TMEM132B: variants seen among roughly 807,000 people sequenced by gnomAD.
TMEM132B encodes the protein transmembrane protein 132B.
TMEM132B carries 18 observed loss-of-function variants against 90.8 expected under a neutral mutation model. The ratio of observed to expected loss-of-function variants is 0.20; its 90% confidence interval spans 0.14 to 0.29. The LOEUF (loss-of-function observed/expected upper bound fraction) is 0.29. Ranked by LOEUF, TMEM132B falls within the 10% of genes least tolerant of loss-of-function variation. The probability of loss-of-function intolerance (pLI) is 1.00; values close to 1 mark genes in which losing one functional copy is unlikely to be tolerated. For synonymous variants in TMEM132B, 504 were observed against 523.3 expected, an observed-to-expected ratio of 0.96 and a Z score of 0.50; for missense variants, 1,096 against 1,326.8, an observed-to-expected ratio of 0.83 and a Z score of 2.70.
intron 4 of TMEM132B, among the ~76,000 whole-genome samples, chr12:125,555,173 A>G (rs137973516): frequency 6.6e-6 from 1 of 152,260 alleles, no homozygotes; most frequent in African/African-American, 2.4e-5. Context: ...TGAAAATTGA[A>G]CTGTTTTGTT....
At chr12:125,560,532 G>C (rs1309113992) in intron 4 of TMEM132B, among the ~76,000 whole-genome samples, 1 of 152,090 alleles carries the variant, frequency 6.6e-6, no homozygotes, top group African/African-American at 2.4e-5. Flanking sequence ...TCATTAAAAA[G>C]TCAGGAAAGG....
In TMEM132B at chr12:125,613,218, C is replaced by CTATATTATATATATATATATTATA. The variant is rs1183673622; in HGVS notation, c.1437+29241_1437+29242insTATTATATATATTATATATATATA. The stretch of plus-strand genomic sequence containing the variant: ...TATTTATATATATATTATACACCCA[C>CTATATTATATATATATATATTATA]TATATTATATATATATAATATAGTG... On this transcript the variant is annotated intron_variant, in intron 5 of 8. Coordinates refer to ENST00000682704, the MANE Select transcript of TMEM132B (RefSeq NM_001366854.1). Among the ~76,000 whole-genome samples the CTATATTATATATATATATATTATA allele has an allele frequency of 5.2e-5, 6 of 115,044 alleles. No individual in the cohort carries two copies. The South Asian group carries it at 1.6e-3, about 30-fold the overall frequency. 75.5% of individuals were successfully genotyped at this position (115,044 alleles called of 152,430 possible). A position where few individuals can be genotyped will look rare whatever the true frequency, so the allele number is the denominator to read the frequency against.
chr12:125,254,682 CTTT>C (rs71447039), intron 1 of TMEM132B, among the ~76,000 whole-genome samples: 2 of 132,336 alleles, frequency 1.5e-5, no homozygotes. Context: ...CCTCTTCCTA[CTTT>C]TTTTTTTTTT....
At chr12:125,474,873 G>A (rs1593164486) in intron 3 of TMEM132B, among the ~76,000 whole-genome samples, 1 of 152,230 alleles carries the variant, frequency 6.6e-6, no homozygotes, top group African/African-American at 2.4e-5. Flanking sequence ...GCTGCCATCA[G>A]CTCCAGGCTC....
chr12:125,398,609 G>C (rs1352861660), intron 2 of TMEM132B, among the ~76,000 whole-genome samples: 1 of 152,212 alleles, frequency 6.6e-6, no homozygotes, highest in Non-Finnish European at 1.5e-5. Context: ...TTGTTACTGG[G>C]CAGGAATGCA....
At position 125,247,000 on chromosome 12, in the gene TMEM132B, C is replaced by T. The variant is rs1028751874; in HGVS notation, c.67+60134C>T. On this transcript the variant is annotated intron_variant, in intron 1 of 8. Coordinates refer to ENST00000682704, the MANE Select transcript of TMEM132B (RefSeq NM_001366854.1). This position sits in a 1 kb window ranked among gnomAD's most constrained non-coding sequence, Gnocchi z 4.2. ...GGCTTGGGATAGTATTTTTAGAAGA[C>T]ATTAAATCAAATAAAAGGAATCTGA... 6.6e-6 allele frequency among the ~76,000 whole-genome samples: 1 copy of T among 152,150 alleles called. No individual in the cohort carries two copies. The highest frequency in any genetic ancestry group is 2.4e-5 in the African/African-American group (1 of 41,432).
At chr12:125,530,095 A>G (rs968496324) in intron 4 of TMEM132B, among the ~76,000 whole-genome samples, 2 of 152,176 alleles carry the variant, frequency 1.3e-5, no homozygotes, top group African/African-American at 2.4e-5. Context: ...GTGTGGTTGC[A>G]TTTTAAAACA....
At chr12:125,604,438 G>A (rs1885642102) in intron 5 of TMEM132B, among the ~76,000 whole-genome samples, 1 of 147,734 alleles carries the variant, frequency 6.8e-6, no homozygotes, top group South Asian at 2.1e-4. Flanking sequence ...ACACACCGGG[G>A]CCAGTTGGGG....
At chr12:125,222,481 A>G (rs1873581165) in intron 1 of TMEM132B, among the ~76,000 whole-genome samples, 2 of 152,178 alleles carry the variant, frequency 1.3e-5, no homozygotes, top group Non-Finnish European at 2.9e-5. Context: ...CAGGCTCTCC[A>G]TAAATATAGG....
At chr12:125,508,445 T>C (rs983280970) in intron 3 of TMEM132B, among the ~76,000 whole-genome samples, 3 of 152,190 alleles carry the variant, frequency 2.0e-5, no homozygotes, top group Non-Finnish European at 2.9e-5. Flanking sequence ...GGGAAAAAAT[T>C]GGCACTGATT....
intron 1 of TMEM132B, among the ~76,000 whole-genome samples, chr12:125,244,936 C>T (rs190694083): frequency 2.6e-5 from 4 of 152,234 alleles, no homozygotes; most frequent in South Asian, 2.1e-4. Flanking sequence ...TTCCCTCTCT[C>T]GGCTTCCCCC....
intron 1 of TMEM132B, among the ~76,000 whole-genome samples, chr12:125,264,288 C>T (rs1367605989): frequency 6.6e-6 from 1 of 152,178 alleles, no homozygotes; most frequent in African/African-American, 2.4e-5. Flanking sequence ...CCAGGATATC[C>T]ACCCCATCTC....
Position 125,431,736 on chromosome 12 carries a change from G to A in TMEM132B, c.1106+16059G>A, listed in dbSNP as rs563624128. 7.2e-5 allele frequency among the ~76,000 whole-genome samples: 11 copies of A among 152,298 alleles called. No individual in the cohort carries two copies. The East Asian group carries it at 2.1e-3, about 29-fold the overall frequency. On this transcript the variant is annotated intron_variant, in intron 3 of 8. Coordinates refer to ENST00000682704, the MANE Select transcript of TMEM132B (RefSeq NM_001366854.1). Reference sequence around the variant, plus strand: ...TGTCCTTGGTGCTCCCAGGTATGTGGAGGGGATCACAGTGAACAGACAGGG... The same window carrying A: ...TGTCCTTGGTGCTCCCAGGTATGTGAAGGGGATCACAGTGAACAGACAGGG...
rs1337997368 is a variant in TMEM132B at position 125,492,624 on chromosome 12, C to T, written c.1107-26815C>T. 6.6e-6 allele frequency among the ~76,000 whole-genome samples: 1 copy of T among 152,084 alleles called. No homozygotes were observed. The highest frequency in any genetic ancestry group is 1.5e-5 in the Non-Finnish European group (1 of 67,996). On this transcript the variant is annotated intron_variant, in intron 3 of 8. Coordinates refer to ENST00000682704, the MANE Select transcript of TMEM132B (RefSeq NM_001366854.1). This position sits in a 1 kb window ranked among gnomAD's most constrained non-coding sequence, Gnocchi z 5.8. ...TGAGGAGGCTACGGCAGCCTCGGGT[C>T]CCAGCAGGGCAGGCATGGGGTCTGA...
chr12:125,519,371 A>G, intron 3 of TMEM132B, 68 bp from the exon 4 acceptor site: 2 of 1,455,508 alleles, frequency 1.4e-6, no homozygotes, highest in Non-Finnish European at 9.3e-7. Flanking sequence ...GTGGCAATTT[A>G]TTACATTCTT....
intron 1 of TMEM132B, among the ~76,000 whole-genome samples, chr12:125,234,194 G>A (rs1873882277): frequency 6.6e-6 from 1 of 152,176 alleles, no homozygotes; most frequent in African/African-American, 2.4e-5. Flanking sequence ...ATGTGATGAA[G>A]TTCATAGTTT....
At chr12:125,352,247 C>A (rs1877611267) in intron 2 of TMEM132B, among the ~76,000 whole-genome samples, 1 of 152,218 alleles carries the variant, frequency 6.6e-6, no homozygotes, top group African/African-American at 2.4e-5. Context: ...TAAATGAATT[C>A]CAACTTCTAA....
chr12:125,654,979 G>A lies in TMEM132B; in HGVS notation c.*269G>A, dbSNP rs2240496. ...TGCCTGGTACGAGCTCAGTGCAAAT[G>A]TATTAAACCTGACCCCACAGACATT... On this transcript the variant is annotated 3_prime_UTR_variant, in exon 9 of 9. Transcript: ENST00000682704. This position sits in a 1 kb window ranked among gnomAD's most constrained non-coding sequence, Gnocchi z 5.8. 44,955 of 376,282 alleles carry A rather than the reference G, an allele frequency of 0.12. 3,024 individuals carry two copies. The highest frequency in any genetic ancestry group is 0.22 in the South Asian group (4,908 of 22,468). 23.3% of individuals were successfully genotyped at this position (376,282 alleles called of 1,614,324 possible).
intron 4 of TMEM132B, among the ~76,000 whole-genome samples, chr12:125,549,962 T>G (rs1359917964): frequency 6.6e-6 from 1 of 152,226 alleles, no homozygotes; most frequent in Non-Finnish European, 1.5e-5. Context: ...CCCTGCTTTG[T>G]GGTCTTGGAG....
Sources: gnomAD v4.1 joint callset for allele counts (sites outside exome capture counted in the v4.1 genomes callset) on GRCh38, gnomAD v4.1.1 for gene constraint, Gnocchi (gnomAD v3.1) non-coding constraint, MANE v1.5 for transcripts, NCBI Gene and HGNC (gene_info 2026-07-23, HGNC 2026-07-21) for gene names.